Variants in SNX18 observed in about 807,000 individuals in gnomAD.
SNX18 encodes sorting nexin-18.
SNX18 carries 35 observed loss-of-function variants against 48.7 expected under a neutral mutation model. The observed-to-expected ratio is 0.72, with a 90% CI of 0.55 to 0.95. The LOEUF is 0.95. SNX18 is among the 40% of genes least tolerant of loss of function. SNX18 has a pLI of 0.00. For synonymous variants in SNX18, 492 were observed against 384.7 expected, an observed-to-expected ratio of 1.28 and a Z score of -3.26; for missense variants, 824 against 871.0, an observed-to-expected ratio of 0.95 and a Z score of 0.68.
chr5:54,592,543 C>T, the SNX18 span, among the ~76,000 whole-genome samples: 1 of 152,144 alleles, frequency 6.6e-6, no homozygotes, highest in Non-Finnish European at 1.5e-5. Flanking sequence ...GATCGTGAAG[C>T]TTAATGAACA....
At chr5:54,606,662 T>A in the SNX18 span, among the ~76,000 whole-genome samples, 1 of 152,264 alleles carries the variant, frequency 6.6e-6, no homozygotes, top group African/African-American at 2.4e-5. Flanking sequence ...TAGGTTTATA[T>A]GCAATTTTAA....
the SNX18 span, among the ~76,000 whole-genome samples, chr5:54,592,372 T>C: frequency 6.6e-6 from 1 of 152,208 alleles, no homozygotes; most frequent in Admixed American, 6.5e-5. Flanking sequence ...AACTAACTCC[T>C]AGCACTTGTG....
At chr5:54,581,916 G>C in the SNX18 span, among the ~76,000 whole-genome samples, 1 of 152,154 alleles carries the variant, frequency 6.6e-6, no homozygotes, top group Non-Finnish European at 1.5e-5. Flanking sequence ...CCCAGAATCA[G>C]AGACACCTGC....
At chr5:54,530,805 G>T (rs1580101038) in intron 1 of SNX18, among the ~76,000 whole-genome samples, 1 of 134,670 alleles carries the variant, frequency 7.4e-6, no homozygotes, top group African/African-American at 2.8e-5. Flanking sequence ...AGGCTGGAGT[G>T]CAGTGGCGTG....
chr5:54,521,893 A>G (rs1361976724), intron 1 of SNX18, among the ~76,000 whole-genome samples: 2 of 152,040 alleles, frequency 1.3e-5, no homozygotes, highest in African/African-American at 2.4e-5. Flanking sequence ...AAATTATAGA[A>G]CTGGATTTGT....
At chr5:54,531,174 G>A (rs758247770) in intron 1 of SNX18, among the ~76,000 whole-genome samples, 1 of 152,126 alleles carries the variant, frequency 6.6e-6, no homozygotes, top group Non-Finnish European at 1.5e-5. Context: ...GAGGCTCTTA[G>A]AGTACTCCAG....
chr5:54,547,716 G>C (rs779310068), downstream of SNX18, among the ~76,000 whole-genome samples: 5 of 152,198 alleles, frequency 3.3e-5, no homozygotes, highest in Non-Finnish European at 5.9e-5. Context: ...GTGAGAGAAA[G>C]GGTCCAAAAC....
downstream of SNX18, among the ~76,000 whole-genome samples, chr5:54,550,647 G>A (rs376055080): frequency 1.5e-4 from 23 of 152,156 alleles, 1 homozygote; most frequent in East Asian, 5.8e-4. Flanking sequence ...GCAGTGGTGC[G>A]ATCTTAGCTT....
At chr5:54,611,398 CA>C in the SNX18 span, among the ~76,000 whole-genome samples, 13 of 150,906 alleles carry the variant, frequency 8.6e-5, no homozygotes, top group Admixed American at 7.9e-4. Flanking sequence ...ACTCTACAGT[CA>C]AAAAAAAATC....
the SNX18 span, among the ~76,000 whole-genome samples, chr5:54,633,067 G>A: frequency 1.3e-4 from 20 of 152,066 alleles, no homozygotes; most frequent in African/African-American, 4.1e-4. Context: ...CACTGCGCCC[G>A]GCCCAGGGTA....
chr5:54,605,652 A>G, the SNX18 span, among the ~76,000 whole-genome samples: 3 of 152,070 alleles, frequency 2.0e-5, no homozygotes, highest in Non-Finnish European at 4.4e-5. Flanking sequence ...TTTATGATCA[A>G]TTTTGAAACT....
the SNX18 span, among the ~76,000 whole-genome samples, chr5:54,554,965 G>A: frequency 1.3e-5 from 2 of 152,212 alleles, no homozygotes; most frequent in African/African-American, 4.8e-5. Flanking sequence ...GAGGTTCAGA[G>A]AACTTCAGAA....
At chr5:54,629,125 AT>A in the SNX18 span, among the ~76,000 whole-genome samples, 1 of 152,240 alleles carries the variant, frequency 6.6e-6, no homozygotes, top group Non-Finnish European at 1.5e-5. Flanking sequence ...CTCACAAAGC[AT>A]TATTGAAAAC....
At chr5:54,609,079 C>G in the SNX18 span, among the ~76,000 whole-genome samples, 1 of 152,120 alleles carries the variant, frequency 6.6e-6, no homozygotes, top group Non-Finnish European at 1.5e-5. Flanking sequence ...TCCTCACAGC[C>G]TCTGAGGTCT....
the SNX18 span, among the ~76,000 whole-genome samples, chr5:54,576,499 G>T: frequency 1.3e-5 from 2 of 152,132 alleles, no homozygotes; most frequent in Non-Finnish European, 2.9e-5. Context: ...TGGGTTGATC[G>T]CAGGGCATCT....
intron 1 of SNX18, among the ~76,000 whole-genome samples, chr5:54,526,515 T>C (rs1022953896): frequency 6.6e-6 from 1 of 152,242 alleles, no homozygotes; most frequent in Non-Finnish European, 1.5e-5. Flanking sequence ...TGATTTGACT[T>C]TCCTCTTCTG....
At chr5:54,575,528 C>T in the SNX18 span, among the ~76,000 whole-genome samples, 1 of 151,932 alleles carries the variant, frequency 6.6e-6, no homozygotes, top group African/African-American at 2.4e-5. Context: ...CTCACCACCA[C>T]GCCTGGCTAA....
At chr5:54,628,905 C>G in the SNX18 span, among the ~76,000 whole-genome samples, 8 of 152,306 alleles carry the variant, frequency 5.3e-5, no homozygotes, top group East Asian at 1.5e-3. Flanking sequence ...GTCTCCCCCT[C>G]GAGAAAACCC....
chr5:54,571,818 G>A, the SNX18 span, among the ~76,000 whole-genome samples: 1 of 152,328 alleles, frequency 6.6e-6, no homozygotes, highest in African/African-American at 2.4e-5. Flanking sequence ...AAGACTGCAT[G>A]TGTGTTAGGG....
Sources: gnomAD v4.1 joint callset for allele counts (sites outside exome capture counted in the v4.1 genomes callset) on GRCh38, gnomAD v4.1.1 for gene constraint, MANE v1.5 for transcripts, NCBI Gene and HGNC (gene_info 2026-07-23, HGNC 2026-07-21) for gene names.